Variants in GADL1 observed in about 807,000 individuals in gnomAD.
The protein encoded by GADL1 is acidic amino acid decarboxylase GADL1.
In GADL1, 71 loss-of-function variants were observed where a neutral mutation model predicts 69.5. The ratio of observed to expected loss-of-function variants is 1.02; its 90% confidence interval spans 0.84 to 1.25. The LOEUF is 1.25. Ranked by LOEUF, GADL1 falls within the 50% of genes most tolerant of loss-of-function variation. GADL1 has a pLI of 0.00. For synonymous variants in GADL1, 254 were observed against 214.4 expected (o/e 1.18, Z -1.62); for missense variants, 737 against 631.8 (o/e 1.17, Z -1.79).
intron 14 of GADL1, among the ~76,000 whole-genome samples, chr3:30,751,526 C>T (rs969743615): frequency 1.1e-4 from 17 of 150,964 alleles, no homozygotes; most frequent in African/African-American, 3.9e-4. Context: ...ATGCTATTTG[C>T]CTATGAAAAT....
intron 1 of GADL1, among the ~76,000 whole-genome samples, chr3:30,878,434 A>G (rs1039843524): frequency 2.6e-5 from 4 of 151,948 alleles, no homozygotes; most frequent in African/African-American, 9.7e-5. Flanking sequence ...TACTTTAGGT[A>G]TAGAAATGCA....
intron 1 of GADL1, among the ~76,000 whole-genome samples, chr3:30,875,852 T>C (rs1698570279): frequency 6.6e-6 from 1 of 151,814 alleles, no homozygotes; most frequent in South Asian, 2.1e-4. Context: ...TCTAGATGCT[T>C]GGTTATTGAT....
intron 12 of GADL1, among the ~76,000 whole-genome samples, chr3:30,793,281 A>G (rs529237532): frequency 6.6e-6 from 1 of 152,304 alleles, no homozygotes; most frequent in East Asian, 1.9e-4. Flanking sequence ...TTGGAAGGAA[A>G]GCCAAAATGT....
At chr3:30,826,453 A>G (rs1697682784) in intron 11 of GADL1, among the ~76,000 whole-genome samples, 1 of 151,872 alleles carries the variant, frequency 6.6e-6, no homozygotes, top group South Asian at 2.1e-4. Context: ...CTACACCCTC[A>G]GGGTTCTGCA....
chr3:30,755,728 CAATA>C (rs139174581), intron 14 of GADL1, among the ~76,000 whole-genome samples: 50,380 of 151,760 alleles, frequency 0.33, 8,761 homozygotes, highest in South Asian at 0.43. Context: ...TGGAAATGTT[CAATA>C]AATAATTGTT....
chr3:30,884,488 A>G (rs1016904730), intron 1 of GADL1, among the ~76,000 whole-genome samples: 1 of 152,072 alleles, frequency 6.6e-6, no homozygotes, highest in Non-Finnish European at 1.5e-5. Flanking sequence ...GCACAGGTTC[A>G]GGAAGTTACC....
At chr3:30,874,026 A>T (rs1476282374) in intron 1 of GADL1, among the ~76,000 whole-genome samples, 1 of 151,974 alleles carries the variant, frequency 6.6e-6, no homozygotes, top group African/African-American at 2.4e-5. Flanking sequence ...AAATTAAAAC[A>T]GATGGTCCAA....
In GADL1 at chr3:30,861,738, G is replaced by C; in HGVS notation, c.65C>G (p.Pro22Arg). Residue 22 changes from proline to arginine, a missense_variant, in exon 2 of 15, where the codon CCA becomes CGA. Physicochemically the swap from Pro to Arg is moderately radical, Grantham distance 103 (BLOSUM62 -2). Transcript: ENST00000282538. The stretch of plus-strand genomic sequence containing the variant: ...CACAAGAACAGCATTCTTCTTACTT[G>C]GAATCATCTCTTGTTGATCAATATC... ...DGDIDQQEMIPSKKNAVLVDG... is the reference protein window; with the variant it reads ...DGDIDQQEMIRSKKNAVLVDG... 2 of 1,546,920 alleles carry C rather than the reference G, an allele frequency of 1.3e-6. No individual in the cohort carries two copies. The highest frequency in any genetic ancestry group is 1.4e-5 in the African/African-American group (1 of 72,780).
chr3:30,846,843 G>A (rs1698066701), intron 6 of GADL1, among the ~76,000 whole-genome samples: 1 of 152,090 alleles, frequency 6.6e-6, no homozygotes, highest in Non-Finnish European at 1.5e-5. Flanking sequence ...CCCTCACCCA[G>A]CAATCAGGAG....
chr3:30,752,985 T>C (rs1185707589), intron 14 of GADL1, among the ~76,000 whole-genome samples: 1 of 152,156 alleles, frequency 6.6e-6, no homozygotes, highest in African/African-American at 2.4e-5. Flanking sequence ...TTGTCAGCAG[T>C]ATTTAAATAT....
intron 11 of GADL1, among the ~76,000 whole-genome samples, chr3:30,808,135 AAGG>A (rs1388729690): frequency 4.6e-5 from 7 of 152,152 alleles, no homozygotes; most frequent in South Asian, 2.1e-4. Flanking sequence ...AAGGAAGAAA[AAGG>A]AGGAGGGGAG....
chr3:30,775,380 C>CT lies in GADL1; in HGVS notation c.1392+2798dup, dbSNP rs1371772931. ...AACCCTGAAATAAATTTCAAGTGTGCTTTAAGTACACTACAGGTTATAAAT... is the reference window on the plus strand; with the variant it reads ...AACCCTGAAATAAATTTCAAGTGTGCTTTTAAGTACACTACAGGTTATAAAT... On this transcript the variant is annotated intron_variant, in intron 14 of 14. Transcript: ENST00000282538. 8.5e-5 allele frequency among the ~76,000 whole-genome samples: 13 copies of CT among 152,302 alleles called. No homozygotes were observed. The East Asian group carries it at 1.3e-3, about 16-fold the overall frequency.
chr3:30,767,927 A>T lies in GADL1; in HGVS notation c.1392+10252T>A, dbSNP rs1176309990. Among the ~76,000 whole-genome samples, 56 of 152,276 alleles carry T rather than the reference A, an allele frequency of 3.7e-4. 1 individual carries two copies. The highest frequency in any genetic ancestry group is 7.8e-4 in the Admixed American group (12 of 15,294). On this transcript the variant is annotated intron_variant, in intron 14 of 14. Transcript: ENST00000282538. ...AAATACTTAAAATATGAAAAAAATG[A>T]ATACACTGACAATCAGTAAAGAGAA...
chr3:30,762,985 AGGTT>A (rs1419673493), intron 14 of GADL1, among the ~76,000 whole-genome samples: 4 of 152,192 alleles, frequency 2.6e-5, no homozygotes, highest in African/African-American at 4.8e-5. Flanking sequence ...ATGGACACTT[AGGTT>A]GCTCCCAAAT....
At chr3:30,859,294 A>G (rs1434702367) in intron 2 of GADL1, among the ~76,000 whole-genome samples, 1 of 151,970 alleles carries the variant, frequency 6.6e-6, no homozygotes, top group African/African-American at 2.4e-5. Flanking sequence ...CTATGATGCT[A>G]TAACCATGAC....
intron 1 of GADL1, among the ~76,000 whole-genome samples, chr3:30,870,548 G>A (rs1698465763): frequency 6.6e-6 from 1 of 151,734 alleles, no homozygotes; most frequent in Non-Finnish European, 1.5e-5. Context: ...GTTTTAAACA[G>A]AGGAGTAACA....
chr3:30,763,153 A>C (rs1383807993), intron 14 of GADL1, among the ~76,000 whole-genome samples: 1 of 152,156 alleles, frequency 6.6e-6, no homozygotes, highest in Non-Finnish European at 1.5e-5. Context: ...ATTTATACAT[A>C]TACATACTCC....
intron 8 of GADL1, among the ~76,000 whole-genome samples, chr3:30,843,271 T>C (rs1470337311): frequency 2.6e-5 from 4 of 151,680 alleles, no homozygotes; most frequent in South Asian, 4.2e-4. Flanking sequence ...TTTTTTTTTT[T>C]TTGAGATGGA....
In GADL1 at chr3:30,746,741, A is replaced by T. The variant is rs1347772386; in HGVS notation, c.1393-18326T>A. 2.6e-5 allele frequency among the ~76,000 whole-genome samples: 4 copies of T among 152,344 alleles called. No individual in the cohort carries two copies. The East Asian group carries it at 7.7e-4, about 29-fold the overall frequency. On this transcript the variant is annotated intron_variant, in intron 14 of 14. Transcript: ENST00000282538. ...CATAAAAGTGACATATAAGTTGGAG[A>T]TGCAAGAAAACAATGGACATTAAGA...
Sources: allele counts gnomAD v4.1 joint callset (sites outside exome capture counted in the v4.1 genomes callset), GRCh38; gene constraint gnomAD v4.1.1; transcripts MANE v1.5; gene names NCBI Gene and HGNC (gene_info 2026-07-23, HGNC 2026-07-21).